The following TBL1XR1 variants were observed in gnomAD, a reference collection of about 807,000 sequenced individuals.
The protein encoded by TBL1XR1 is F-box-like/WD repeat-containing protein TBL1XR1.
A neutral mutation model predicts 66.9 loss-of-function variants in TBL1XR1; 5 were observed. The observed-to-expected ratio is 0.07, with a 90% confidence interval of 0.04 to 0.16. The LOEUF (loss-of-function observed/expected upper bound fraction) is 0.16. TBL1XR1 is among the 10% of genes least tolerant of loss of function. The pLI, the probability that TBL1XR1 is intolerant of heterozygous loss-of-function variation, is 1.00. For synonymous variants in TBL1XR1, 210 were observed against 206.0 expected, an observed-to-expected ratio of 1.02 and a Z score of -0.17; for missense variants, 238 against 623.2, an observed-to-expected ratio of 0.38 and a Z score of 6.58.
intron 1 of TBL1XR1, among the ~76,000 whole-genome samples, chr3:177,147,307 T>C (rs1377841482): frequency 3.3e-5 from 5 of 151,994 alleles, no homozygotes; most frequent in Non-Finnish European, 1.5e-5. Context: ...CCTCAGCCTC[T>C]CAAAGTGCTG....
At chr3:177,133,326 T>A (rs1728524269) in intron 1 of TBL1XR1, among the ~76,000 whole-genome samples, 1 of 151,904 alleles carries the variant, frequency 6.6e-6, no homozygotes, top group Admixed American at 6.6e-5. Context: ...AATAAACGAA[T>A]CCACAATCCT....
chr3:177,165,721 A>G (rs1167426736), intron 1 of TBL1XR1, among the ~76,000 whole-genome samples: 1 of 152,196 alleles, frequency 6.6e-6, no homozygotes, highest in Non-Finnish European at 1.5e-5. Context: ...CTATTCAACA[A>G]AGAGTGCTGG....
At chr3:177,036,740 T>A (rs961941095) in intron 12 of TBL1XR1, among the ~76,000 whole-genome samples, 2 of 152,182 alleles carry the variant, frequency 1.3e-5, no homozygotes, top group Non-Finnish European at 2.9e-5. Flanking sequence ...AGCAGATACT[T>A]AAAGGAGAAA....
At chr3:177,135,773 AC>A (rs751754539) in intron 1 of TBL1XR1, among the ~76,000 whole-genome samples, 1 of 152,044 alleles carries the variant, frequency 6.6e-6, no homozygotes, top group Non-Finnish European at 1.5e-5. Context: ...TAATGAAATC[AC>A]TGACATCTTC....
At chr3:177,128,289 CTGTTT>C (rs1243323780) in intron 1 of TBL1XR1, among the ~76,000 whole-genome samples, 3 of 152,174 alleles carry the variant, frequency 2.0e-5, no homozygotes, top group African/African-American at 7.2e-5. Flanking sequence ...CCGATGTGAA[CTGTTT>C]TATTTCTTGG....
intron 1 of TBL1XR1, among the ~76,000 whole-genome samples, chr3:177,172,026 G>A (rs1285738846): frequency 1.3e-5 from 2 of 152,090 alleles, no homozygotes; most frequent in African/African-American, 2.4e-5. Flanking sequence ...AGCACTTTGG[G>A]AGGCCAAGGC....
chr3:177,030,131 T>C (rs200467201), intron 14 of TBL1XR1, among the ~76,000 whole-genome samples: 1 of 149,388 alleles, frequency 6.7e-6, no homozygotes, highest in South Asian at 2.1e-4. Context: ...TATATATATA[T>C]AGAGAGAGAG....
At chr3:177,119,027 A>G (rs930339986) in intron 1 of TBL1XR1, among the ~76,000 whole-genome samples, 1 of 152,166 alleles carries the variant, frequency 6.6e-6, no homozygotes, top group Non-Finnish European at 1.5e-5. Context: ...GCTGGAGTGC[A>G]GTGGCATGAT....
At chr3:177,091,491 G>A (rs1279145697) in intron 2 of TBL1XR1, among the ~76,000 whole-genome samples, 1 of 152,090 alleles carries the variant, frequency 6.6e-6, no homozygotes, top group African/African-American at 2.4e-5. Context: ...GACCAATGAA[G>A]GACATGTACA....
At chr3:177,033,858 G>T (rs1714369389) in intron 13 of TBL1XR1, among the ~76,000 whole-genome samples, 1 of 152,070 alleles carries the variant, frequency 6.6e-6, no homozygotes, top group South Asian at 2.1e-4. Context: ...GTTCTGACTT[G>T]TAAGTGGGAG....
chr3:177,114,703 C>T (rs916210485), intron 1 of TBL1XR1, among the ~76,000 whole-genome samples: 4 of 151,644 alleles, frequency 2.6e-5, no homozygotes, highest in Non-Finnish European at 5.9e-5. Context: ...TGGCCAGATA[C>T]GGTAGCTCAC....
rs539255163 is a variant in TBL1XR1, at chr3:177,057,077, TTC to T, written c.59-3161_59-3160del. Among the ~76,000 whole-genome samples the T allele has an allele frequency of 7.8e-4, 119 of 152,328 alleles. 2 individuals are homozygous for T. Among genetic ancestry groups the T allele is most frequent in the Middle Eastern group, 3.4e-3 (1 of 292 alleles). On this transcript the variant is annotated intron_variant, in intron 3 of 15. Coordinates refer to ENST00000457928, the MANE Select transcript of TBL1XR1 (RefSeq NM_024665.7). The stretch of plus-strand genomic sequence containing the variant: ...CACAGTTGTTTCTGTAATCTGGCTC[TTC>T]TGTCTCTCCAGTCTCATCTCAATAC...
At chr3:177,030,341 CTAAA>C (rs936139846) in intron 14 of TBL1XR1, among the ~76,000 whole-genome samples, 18 of 151,424 alleles carry the variant, frequency 1.2e-4, no homozygotes, top group East Asian at 3.9e-4. Context: ...CTGGAATAGT[CTAAA>C]TAAATAATCA....
chr3:177,138,324 A>C (rs1729231446), intron 1 of TBL1XR1, among the ~76,000 whole-genome samples: 1 of 152,170 alleles, frequency 6.6e-6, no homozygotes, highest in Non-Finnish European at 1.5e-5. Context: ...GCTGGGTGCA[A>C]TGGCAAACAC....
rs575691520 is a variant in TBL1XR1, at chr3:177,023,330, TTTTA to T, written c.*2164_*2167del. ...AAATTATTGCACAGATTTTTTTAAT[TTTTA>T]TTTATTTTTTTTAAACAATAACAGA... On this transcript the variant is annotated 3_prime_UTR_variant, in exon 16 of 16. Transcript: ENST00000457928. 10 of 152,590 alleles carry T rather than the reference TTTTA, an allele frequency of 6.6e-5. No individual in the cohort carries two copies. The South Asian group carries it at 1.2e-3, about 19-fold the overall frequency. The allele number at this position is 152,590 out of a possible 1,614,324, so 9.5% of individuals were successfully genotyped here.
At chr3:177,055,217 T>C (rs1342240949) in intron 3 of TBL1XR1, among the ~76,000 whole-genome samples, 2 of 152,158 alleles carry the variant, frequency 1.3e-5, no homozygotes. Context: ...GCTTCCACTC[T>C]TATACTCCTT....
At chr3:177,031,158 G>C (rs1278747351) in intron 14 of TBL1XR1, among the ~76,000 whole-genome samples, 1 of 152,038 alleles carries the variant, frequency 6.6e-6, no homozygotes, top group East Asian at 1.9e-4. Context: ...CTGGGTGTAT[G>C]ATTAGTGTCT....
At chr3:177,163,376 G>A (rs896722819) in intron 1 of TBL1XR1, among the ~76,000 whole-genome samples, 1 of 152,020 alleles carries the variant, frequency 6.6e-6, no homozygotes, top group Admixed American at 6.6e-5. Context: ...AGGCATGGTG[G>A]CGGGCACCTG....
chr3:177,074,698 T>C (rs553721470), intron 2 of TBL1XR1, among the ~76,000 whole-genome samples: 1 of 152,308 alleles, frequency 6.6e-6, no homozygotes, highest in South Asian at 2.1e-4. Context: ...CCACCAAGTA[T>C]ATTTCGTTCC....
Sources: allele counts gnomAD v4.1 joint callset (sites outside exome capture counted in the v4.1 genomes callset), GRCh38; gene constraint gnomAD v4.1.1; transcripts MANE v1.5; gene names NCBI Gene and HGNC (gene_info 2026-07-23, HGNC 2026-07-21).